The following FRMD4A variants were observed in gnomAD, a reference collection of about 807,000 sequenced individuals.
The protein encoded by FRMD4A is FERM domain-containing protein 4A.
A neutral mutation model predicts 129.1 loss-of-function variants in FRMD4A; 29 were observed. The ratio of observed to expected loss-of-function variants is 0.22; its 90% CI spans 0.17 to 0.31. FRMD4A has a LOEUF of 0.31. Among genes scored for constraint, FRMD4A ranks in the 10% least tolerant of loss-of-function variants. FRMD4A has a pLI of 1.00. For synonymous variants in FRMD4A, 634 were observed against 571.6 expected (o/e 1.11, Z -1.56); for missense variants, 1,272 against 1,375.8 (o/e 0.92, Z 1.19).
intron 2 of FRMD4A, among the ~76,000 whole-genome samples, chr10:13,964,021 A>C (rs1315376760): frequency 6.6e-6 from 1 of 152,058 alleles, no homozygotes; most frequent in African/African-American, 2.4e-5. Context: ...AAGGGCATTC[A>C]TGCTTGGAGG....
At chr10:13,996,506 T>C (rs1343873955) in intron 2 of FRMD4A, among the ~76,000 whole-genome samples, 1 of 152,240 alleles carries the variant, frequency 6.6e-6, no homozygotes, top group African/African-American at 2.4e-5. Context: ...GGAGGGCTCC[T>C]GTACCACTTG....
At chr10:13,654,340 C>T in intron 23 of FRMD4A, 76 bp downstream of exon 23, 2 of 959,646 alleles carry the variant, frequency 2.1e-6, no homozygotes, top group Non-Finnish European at 3.4e-6. Context: ...CTGACATATC[C>T]TTATGTCACC....
rs201359265 is a variant in FRMD4A at position 13,713,948 on chromosome 10, TAC to T, written c.760-6837_760-6836del. Among the ~76,000 whole-genome samples, 16 of 105,322 alleles carry T rather than the reference TAC, an allele frequency of 1.5e-4. No homozygotes were observed. The East Asian group carries it at 3.7e-3, about 24-fold the overall frequency. The allele number at this position is 105,322 out of a possible 152,430, so 69.1% of individuals were successfully genotyped here. On this transcript the variant is annotated intron_variant, in intron 12 of 24. Transcript: ENST00000357447. ...ATATATAATATATACATATATGTAA[TAC>T]ACACACATATATAATATATACATAT...
chr10:14,182,831 CTGAG>C (rs1841957071), intron 2 of FRMD4A, among the ~76,000 whole-genome samples: 1 of 152,176 alleles, frequency 6.6e-6, no homozygotes, highest in Non-Finnish European at 1.5e-5. Context: ...CTGAATTCTA[CTGAG>C]TGAGAACTAG....
intron 2 of FRMD4A, among the ~76,000 whole-genome samples, chr10:13,958,109 C>G (rs2095420894): frequency 6.6e-6 from 1 of 152,084 alleles, no homozygotes; most frequent in Non-Finnish European, 1.5e-5. Context: ...CTAGTTATCT[C>G]TTTCCTACTT....
At chr10:14,208,346 C>T (rs1842844170) in intron 2 of FRMD4A, among the ~76,000 whole-genome samples, 1 of 152,158 alleles carries the variant, frequency 6.6e-6, no homozygotes, top group African/African-American at 2.4e-5. Context: ...CCCTGGGCTC[C>T]CCCAGGTCTC....
intron 2 of FRMD4A, among the ~76,000 whole-genome samples, chr10:13,933,616 A>C (rs541872992): frequency 6.6e-6 from 1 of 152,334 alleles, no homozygotes; most frequent in African/African-American, 2.4e-5. Context: ...TGAGTGTGTG[A>C]ACAGGGGAAC....
Position 13,657,243 on chromosome 10 carries a change from CCTCTGG to C in FRMD4A, c.2340_2345del (p.Gln787_Arg788del), listed in dbSNP as rs756325532. On this transcript the variant is annotated inframe_deletion, in exon 22 of 25. Transcript: ENST00000357447. ...CCGCCGCCCGCTGCCGCTGCCTCTGCCTCTGGCGCGCCTTGGACGGCGAGTCCTCGG... is the reference window on the plus strand; with the variant it reads ...CCGCCGCCCGCTGCCGCTGCCTCTGCCGCGCCTTGGACGGCGAGTCCTCGG... 4.4e-6 allele frequency: 7 copies of C among 1,589,210 alleles called. No homozygotes were observed. The highest frequency in any genetic ancestry group is 1.7e-5 in the Admixed American group (1 of 57,706).
chr10:13,962,301 A>G (rs941091386), intron 2 of FRMD4A, among the ~76,000 whole-genome samples: 1 of 152,232 alleles, frequency 6.6e-6, no homozygotes, highest in African/African-American at 2.4e-5. Flanking sequence ...TTATGATACC[A>G]TTATTTATAA....
intron 2 of FRMD4A, among the ~76,000 whole-genome samples, chr10:14,102,892 T>C (rs946585336): frequency 1.3e-5 from 2 of 152,166 alleles, no homozygotes; most frequent in African/African-American, 2.4e-5. Flanking sequence ...GCAGGAAATA[T>C]GAAATTAGCT....
chr10:13,922,432 A>G (rs2095083891), intron 2 of FRMD4A, among the ~76,000 whole-genome samples: 1 of 152,206 alleles, frequency 6.6e-6, no homozygotes, highest in Non-Finnish European at 1.5e-5. Context: ...TCTAACTCTT[A>G]TTTTATAAAA....
intron 5 of FRMD4A, among the ~76,000 whole-genome samples, chr10:13,789,751 C>T (rs1006383329): frequency 5.0e-5 from 7 of 140,282 alleles, no homozygotes; most frequent in Admixed American, 2.8e-4. Context: ...ATATATTGAC[C>T]GCTGCTGGCT....
chr10:13,913,710 G>C (rs1446536972), intron 2 of FRMD4A, among the ~76,000 whole-genome samples: 1 of 151,998 alleles, frequency 6.6e-6, no homozygotes, highest in African/African-American at 2.4e-5. Context: ...CTAGTAGATG[G>C]GGTATCCTTA....
chr10:13,827,739 C>T (rs1401553088), intron 3 of FRMD4A, among the ~76,000 whole-genome samples: 1 of 152,100 alleles, frequency 6.6e-6, no homozygotes, highest in African/African-American at 2.4e-5. Flanking sequence ...TGTAAGTCTG[C>T]CAGGAAGCAA....
chr10:13,773,561 G>A (rs1211013664), intron 6 of FRMD4A, among the ~76,000 whole-genome samples: 1 of 152,226 alleles, frequency 6.6e-6, no homozygotes, highest in Non-Finnish European at 1.5e-5. Context: ...TTGGGAGCTG[G>A]TGATTTCTTG....
At chr10:13,778,422 C>T (rs571120092) in intron 6 of FRMD4A, among the ~76,000 whole-genome samples, 1 of 152,022 alleles carries the variant, frequency 6.6e-6, no homozygotes, top group African/African-American at 2.4e-5. Flanking sequence ...GGTTTGAGCC[C>T]AGTTTAAGTC....
At chr10:13,696,962 T>C (rs1007964625) in intron 14 of FRMD4A, among the ~76,000 whole-genome samples, 1 of 152,196 alleles carries the variant, frequency 6.6e-6, no homozygotes, top group East Asian at 1.9e-4. Context: ...ATTTGCTAAC[T>C]GAGGTTAGAT....
intron 4 of FRMD4A, among the ~76,000 whole-genome samples, chr10:13,797,287 C>A (rs1564819034): frequency 6.6e-6 from 1 of 152,218 alleles, no homozygotes; most frequent in Non-Finnish European, 1.5e-5. Flanking sequence ...TGTTAGCAAT[C>A]CTCACGACAT....
intron 6 of FRMD4A, among the ~76,000 whole-genome samples, chr10:13,769,658 T>A (rs1285688789): frequency 6.6e-6 from 1 of 152,164 alleles, no homozygotes; most frequent in African/African-American, 2.4e-5. Context: ...CGAGGGTGTT[T>A]CTGGATGAGA....
Sources: gnomAD v4.1 joint callset for allele counts (sites outside exome capture counted in the v4.1 genomes callset) on GRCh38, gnomAD v4.1.1 for gene constraint, MANE v1.5 for transcripts, NCBI Gene and HGNC (gene_info 2026-07-23, HGNC 2026-07-21) for gene names.